ACSL3: variants seen among roughly 807,000 people sequenced by gnomAD.
ACSL3 encodes the protein acyl-CoA synthetase long chain family member 3.
Under a neutral mutation model 84.7 loss-of-function variants are expected in ACSL3, and 34 were observed. The ratio of observed to expected loss-of-function variants is 0.40; its 90% CI spans 0.31 to 0.53. The LOEUF (loss-of-function observed/expected upper bound fraction) is 0.53. Ranked by LOEUF, ACSL3 falls within the 20% of genes least tolerant of loss-of-function variation. The pLI is 0.48. For missense variants in ACSL3, 680 were observed against 873.1 expected (o/e 0.78, Z 2.79); for synonymous variants, 315 against 299.4 (o/e 1.05, Z -0.54).
chr2:222,907,320 C>G (rs78805033), intron 3 of ACSL3, among the ~76,000 whole-genome samples: 31 of 152,318 alleles, frequency 2.0e-4, no homozygotes, highest in African/African-American at 7.2e-4. Flanking sequence ...TCTATCTACA[C>G]TTGCCTGGAA....
At chr2:222,863,361 A>C (rs1280709725) in intron 1 of ACSL3, among the ~76,000 whole-genome samples, 1 of 152,190 alleles carries the variant, frequency 6.6e-6, no homozygotes, top group African/African-American at 2.4e-5. Context: ...ATAATGCAAG[A>C]GTTTGGGAAG....
chr2:222,893,985 C>T (rs377234064), intron 2 of ACSL3, among the ~76,000 whole-genome samples: 31 of 152,104 alleles, frequency 2.0e-4, no homozygotes, highest in African/African-American at 4.8e-4. Flanking sequence ...CATGAGCCAC[C>T]GCTCCCGGCA....
At chr2:222,921,792 T>C (rs1475219135) in intron 8 of ACSL3, among the ~76,000 whole-genome samples, 2 of 152,116 alleles carry the variant, frequency 1.3e-5, no homozygotes, top group African/African-American at 4.8e-5. Context: ...CAGTATTTGG[T>C]CTCTGATTTT....
chr2:222,871,692 A>G (rs1695306279), intron 1 of ACSL3, among the ~76,000 whole-genome samples: 1 of 152,198 alleles, frequency 6.6e-6, no homozygotes, highest in African/African-American at 2.4e-5. Flanking sequence ...TGTCACAGAA[A>G]CATTGGTTCC....
chr2:222,867,074 C>T (rs1049623919), intron 1 of ACSL3, among the ~76,000 whole-genome samples: 12 of 152,058 alleles, frequency 7.9e-5, no homozygotes, highest in African/African-American at 2.7e-4. Flanking sequence ...ACCTCGTGAT[C>T]TGCCCATCTC....
In ACSL3 at chr2:222,930,857, G is replaced by T. The variant is rs563337332; in HGVS notation, c.1732+45G>T. ...TTTGAAAATGAATGTTTCTGAAATA[G>T]TTTACACAAGAAGCACAATATATTT... On this transcript the variant is annotated intron_variant, in intron 14 of 16. Transcript: ENST00000357430. 22 of 1,510,010 alleles carry T rather than the reference G, an allele frequency of 1.5e-5. No homozygotes were observed. The African/African-American group carries it at 2.9e-4, about 20-fold the overall frequency. 93.5% of individuals were successfully genotyped at this position (1,510,010 alleles called of 1,614,324 possible). A position where few individuals can be genotyped will look rare whatever the true frequency, so the allele number is the denominator to read the frequency against.
chr2:222,902,368 G>A (rs551725773), intron 3 of ACSL3, among the ~76,000 whole-genome samples: 2 of 152,264 alleles, frequency 1.3e-5, no homozygotes, highest in Admixed American at 6.5e-5. Flanking sequence ...GTCCCCTGAG[G>A]CTAATGTATG....
intron 14 of ACSL3, among the ~76,000 whole-genome samples, chr2:222,931,717 C>T (rs1281261626): frequency 6.6e-6 from 1 of 152,174 alleles, no homozygotes. Context: ...CTGGCCACAA[C>T]CATTTAATGT....
chr2:222,885,865 C>T (rs775331912), intron 1 of ACSL3, among the ~76,000 whole-genome samples: 3 of 151,974 alleles, frequency 2.0e-5, no homozygotes, highest in Admixed American at 6.6e-5. Flanking sequence ...GCCTCAGCCT[C>T]CAGAGTAGCT....
At chr2:222,911,859 A>G (rs1408332099) in intron 4 of ACSL3, among the ~76,000 whole-genome samples, 1 of 152,250 alleles carries the variant, frequency 6.6e-6, no homozygotes, top group Non-Finnish European at 1.5e-5. Context: ...ATTATTCAAC[A>G]AAGTATGAAG....
chr2:222,908,613 G>T, intron 3 of ACSL3, 120 bp from the exon 4 acceptor site: 1 of 602,326 alleles, frequency 1.7e-6, no homozygotes, highest in Non-Finnish European at 2.9e-6. Flanking sequence ...ACATTGTAGG[G>T]GACCAGTGTG....
rs140678334 is a variant in ACSL3, at chr2:222,887,569, C to G, written c.-206-261C>G. Among the ~76,000 whole-genome samples, 9 of 152,278 alleles carry G rather than the reference C, an allele frequency of 5.9e-5. No homozygotes were observed. In the East Asian group the frequency reaches 1.5e-3, roughly 26 times the overall value. On this transcript the variant is annotated intron_variant, in intron 1 of 16. Coordinates refer to ENST00000357430, the MANE Select transcript of ACSL3 (RefSeq NM_004457.5). ...GAATGAGAGTTGCTCCACATCCTTG[C>G]AAGCATTGGGTGGTGTTAGTGTTTT...
chr2:222,928,040 T>G (rs1288250777), intron 12 of ACSL3, among the ~76,000 whole-genome samples: 1 of 152,244 alleles, frequency 6.6e-6, no homozygotes, highest in African/African-American at 2.4e-5. Context: ...ATTTTTAAGA[T>G]TCAAATTGAA....
chr2:222,886,045 A>T (rs1233009347), intron 1 of ACSL3, among the ~76,000 whole-genome samples: 1 of 149,432 alleles, frequency 6.7e-6, no homozygotes, highest in East Asian at 1.9e-4. Context: ...GCCTGACTTT[A>T]AAAAAAAAAG....
At chr2:222,898,785 C>T (rs1412705067) in intron 2 of ACSL3, among the ~76,000 whole-genome samples, 1 of 151,954 alleles carries the variant, frequency 6.6e-6, no homozygotes, top group African/African-American at 2.4e-5. Context: ...CGAGATTGCG[C>T]CACTGCACTC....
At chr2:222,930,279 C>CT (rs1325821202) in intron 13 of ACSL3, among the ~76,000 whole-genome samples, 3 of 152,134 alleles carry the variant, frequency 2.0e-5, no homozygotes, top group Admixed American at 1.3e-4. Flanking sequence ...TGACTTAATA[C>CT]TTCTGTCAGT....
intron 16 of ACSL3, among the ~76,000 whole-genome samples, chr2:222,936,073 C>T (rs1171711493): frequency 6.6e-6 from 1 of 152,010 alleles, no homozygotes; most frequent in Admixed American, 6.6e-5. Flanking sequence ...TCATATTGTA[C>T]CATGTGATAG....
chr2:222,865,906 A>G (rs913516917), intron 1 of ACSL3, among the ~76,000 whole-genome samples: 25 of 152,170 alleles, frequency 1.6e-4, no homozygotes, highest in African/African-American at 5.8e-4. Context: ...TTATCTTACT[A>G]TCCTCATGTT....
chr2:222,912,338 T>G (rs1338282448), intron 4 of ACSL3, among the ~76,000 whole-genome samples: 1 of 152,194 alleles, frequency 6.6e-6, no homozygotes, highest in Non-Finnish European at 1.5e-5. Context: ...TGGTTTCTTG[T>G]TACACCCATT....
Sources: allele counts gnomAD v4.1 joint callset (sites outside exome capture counted in the v4.1 genomes callset), GRCh38; gene constraint gnomAD v4.1.1; transcripts MANE v1.5; gene names NCBI Gene and HGNC (gene_info 2026-07-23, HGNC 2026-07-21).